Variants in CNTLN observed in about 807,000 individuals in gnomAD.
The protein encoded by CNTLN is centlein.
In CNTLN, 212 loss-of-function variants were observed where a neutral mutation model predicts 180.0. That is an observed-to-expected ratio of 1.18 (90% CI 1.05 to 1.32). The LOEUF (loss-of-function observed/expected upper bound fraction) is 1.32. Among genes scored for constraint, CNTLN ranks in the 40% most tolerant of loss-of-function variants. The probability of loss-of-function intolerance (pLI) is 0.00; values close to 1 mark genes in which losing one functional copy is unlikely to be tolerated. For missense variants in CNTLN, 2,095 were observed against 1,610.9 expected (o/e 1.30, Z -5.14); for synonymous variants, 722 against 563.1 (o/e 1.28, Z -3.99).
intron 12 of CNTLN, among the ~76,000 whole-genome samples, chr9:17,361,524 C>T (rs1823389481): frequency 6.6e-6 from 1 of 152,104 alleles, no homozygotes; most frequent in Non-Finnish European, 1.5e-5. Flanking sequence ...TCATACTATG[C>T]ACATGCAAAA....
intron 15 of CNTLN, among the ~76,000 whole-genome samples, 160 bp downstream of exon 15, chr9:17,395,229 A>C (rs1379743481): frequency 6.6e-6 from 1 of 152,178 alleles, no homozygotes; most frequent in Non-Finnish European, 1.5e-5. Flanking sequence ...GAGCTTATTG[A>C]CTGAAATTTG....
intron 2 of CNTLN, among the ~76,000 whole-genome samples, chr9:17,214,547 C>T (rs1823588225): frequency 1.3e-5 from 2 of 152,124 alleles, no homozygotes; most frequent in South Asian, 2.1e-4. Flanking sequence ...AGTTGCTCTT[C>T]TCGAGGAGTA....
intron 13 of CNTLN, among the ~76,000 whole-genome samples, chr9:17,378,369 T>G (rs1824953108): frequency 1.3e-5 from 2 of 152,148 alleles, no homozygotes; most frequent in Middle Eastern, 3.4e-3. Flanking sequence ...TTAGTAGAGA[T>G]GGGGTTTCAC....
At chr9:17,279,261 A>C (rs1828509808) in intron 6 of CNTLN, among the ~76,000 whole-genome samples, 2 of 152,124 alleles carry the variant, frequency 1.3e-5, no homozygotes, top group African/African-American at 4.8e-5. Flanking sequence ...ATGTTTAGGC[A>C]TAATTCTATA....
chr9:17,287,156 C>T (rs932984607), intron 6 of CNTLN, among the ~76,000 whole-genome samples: 3 of 145,144 alleles, frequency 2.1e-5, no homozygotes, highest in African/African-American at 7.8e-5. Context: ...TCATAGATAG[C>T]TCTTATTATT....
At chr9:17,476,566 G>A (rs1443622977) in intron 23 of CNTLN, among the ~76,000 whole-genome samples, 3 of 152,186 alleles carry the variant, frequency 2.0e-5, no homozygotes, top group Admixed American at 2.0e-4. Flanking sequence ...ATACACAAAT[G>A]ATAAGAAAGT....
chr9:17,341,612 G>A (rs1413135675), intron 11 of CNTLN, among the ~76,000 whole-genome samples: 1 of 152,022 alleles, frequency 6.6e-6, no homozygotes, highest in Non-Finnish European at 1.5e-5. Flanking sequence ...GATCCTTTAG[G>A]GCAATGTTGA....
In CNTLN at chr9:17,409,330, A is replaced by G. The variant is rs1827657940; in HGVS notation, c.2653A>G (p.Thr885Ala). ...SEAQTSQTLG[T>A]IIVETSQKIS... Reference sequence around the variant, plus strand: ...AGCACAGACCTCTCAAACTTTGGGAACAATTATTGTAGAAACATCCCAGAA... The same window carrying G: ...AGCACAGACCTCTCAAACTTTGGGAGCAATTATTGTAGAAACATCCCAGAA... The change falls in exon 16 of 26, where the codon ACA (threonine) becomes GCA (alanine). Residue 885 changes from threonine to alanine, a missense_variant. By Grantham distance (58) the Thr-to-Ala change is moderately conservative. Coordinates refer to ENST00000380647, the MANE Select transcript of CNTLN (RefSeq NM_017738.4). 6.2e-7 allele frequency: 1 copy of G among 1,613,056 alleles called. No homozygotes were observed. Among genetic ancestry groups the G allele is most frequent in the Non-Finnish European group, 8.5e-7 (1 of 1,179,608 alleles).
intron 7 of CNTLN, among the ~76,000 whole-genome samples, chr9:17,306,005 TAG>T (rs1347530888): frequency 6.6e-6 from 1 of 152,120 alleles, no homozygotes; most frequent in East Asian, 1.9e-4. Context: ...GTGCAAGACA[TAG>T]AGTTTTTCCC....
In CNTLN at chr9:17,409,410, C is replaced by T. The variant is rs377557027; in HGVS notation, c.2733C>T (p.Asp911=). 2.5e-6 allele frequency: 4 copies of T among 1,613,020 alleles called. 1 individual carries two copies. Among genetic ancestry groups the T allele is most frequent in the Admixed American group, 1.7e-5 (1 of 59,860 alleles). ...AGAAAGAAAGTGATCCAACAGAAGA[C>T]AGCCAAACACAAGGAAAAGAAATAG... ...KDQKESDPTE[D]SQTQGKEIVQ... is the part of the protein sequence containing the mutation. The change falls in exon 16 of 26, where the codon GAC becomes GAT. Residue 911 remains aspartate (D), a synonymous_variant. Coordinates refer to ENST00000380647, the MANE Select transcript of CNTLN (RefSeq NM_017738.4).
At position 17,463,406 on chromosome 9, in the gene CNTLN, TA is replaced by T. The variant is rs765069261; in HGVS notation, c.3404+397del. On this transcript the variant is annotated intron_variant, in intron 20 of 25. Coordinates refer to ENST00000380647, the MANE Select transcript of CNTLN (RefSeq NM_017738.4). ...AAAAAAGGAAAGTTTTGTTTGTGTT[TA>T]AAATAACTGGAGGTTATGGAAGTTT... 5.3e-5 allele frequency among the ~76,000 whole-genome samples: 8 copies of T among 151,660 alleles called. 1 individual carries two copies. The highest frequency in any genetic ancestry group is 1.2e-4 in the Non-Finnish European group (8 of 67,708).
At chr9:17,179,885 C>A (rs114941103) in intron 2 of CNTLN, among the ~76,000 whole-genome samples, 2,891 of 152,132 alleles carry the variant, frequency 0.019, 57 homozygotes, top group African/African-American at 0.05. Flanking sequence ...AGGATCACTA[C>A]GTCTTCTTGG....
chr9:17,215,946 T>G (rs112690960), intron 2 of CNTLN, among the ~76,000 whole-genome samples: 3,955 of 152,182 alleles, frequency 0.026, 173 homozygotes, highest in African/African-American at 0.089. Context: ...CAGGTGCTGG[T>G]TGTCACAGCT....
chr9:17,375,489 TC>T (rs1419152710), intron 13 of CNTLN, among the ~76,000 whole-genome samples: 2 of 152,206 alleles, frequency 1.3e-5, no homozygotes, highest in Non-Finnish European at 2.9e-5. Flanking sequence ...TCACATGTCA[TC>T]TACCCTGTAG....
chr9:17,343,594 CTCTTA>C (rs1821650634), intron 12 of CNTLN, among the ~76,000 whole-genome samples: 1 of 152,134 alleles, frequency 6.6e-6, no homozygotes, highest in Non-Finnish European at 1.5e-5. Context: ...ATAATGAAGG[CTCTTA>C]TCTTGAAAAC....
chr9:17,230,300 G>C (rs1587258306), intron 3 of CNTLN, among the ~76,000 whole-genome samples: 1 of 152,120 alleles, frequency 6.6e-6, no homozygotes, highest in African/African-American at 2.4e-5. Flanking sequence ...GCTACCTACA[G>C]AGGCAATTTA....
intron 2 of CNTLN, among the ~76,000 whole-genome samples, chr9:17,204,621 G>A (rs1185864354): frequency 6.6e-6 from 1 of 152,138 alleles, no homozygotes; most frequent in Non-Finnish European, 1.5e-5. Flanking sequence ...CATGTTGGGA[G>A]GTTTCTCCCA....
At chr9:17,360,126 G>C (rs1312455450) in intron 12 of CNTLN, among the ~76,000 whole-genome samples, 4 of 152,124 alleles carry the variant, frequency 2.6e-5, no homozygotes, top group Non-Finnish European at 5.9e-5. Context: ...AAATTTTGAA[G>C]TGTATTTTAA....
chr9:17,273,175 A>G (rs1405054297), intron 5 of CNTLN, among the ~76,000 whole-genome samples: 3 of 117,458 alleles, frequency 2.6e-5, no homozygotes, highest in Non-Finnish European at 5.3e-5. Flanking sequence ...TCCTTTCACA[A>G]TGAAAAATAT....
Sources: allele counts gnomAD v4.1 joint callset (sites outside exome capture counted in the v4.1 genomes callset), GRCh38; gene constraint gnomAD v4.1.1; transcripts MANE v1.5; gene names NCBI Gene and HGNC (gene_info 2026-07-23, HGNC 2026-07-21).